PRRC1: variants seen among roughly 807,000 people sequenced by gnomAD.
The protein encoded by PRRC1 is proline rich coiled-coil 1, also known as protein PRRC1.
A neutral mutation model predicts 40.7 loss-of-function variants in PRRC1; 39 were observed. That is an observed-to-expected ratio of 0.96 (90% confidence interval 0.74 to 1.25). The LOEUF is 1.25. Among genes scored for constraint, PRRC1 ranks in the 50% most tolerant of loss-of-function variants. PRRC1 has a pLI of 0.00. For missense variants in PRRC1, 573 were observed against 548.3 expected, an observed-to-expected ratio of 1.05 and a Z score of -0.45; for synonymous variants, 175 against 193.3, an observed-to-expected ratio of 0.91 and a Z score of 0.79.
Position 127,553,486 on chromosome 5 carries a change from T to G in PRRC1, c.*1570T>G, listed in dbSNP as rs1429153043. The G allele has an allele frequency of 8.8e-7, 1 of 1,140,020 alleles. No individual in the cohort carries two copies. Among genetic ancestry groups the G allele is most frequent in the Middle Eastern group, 4.0e-4 (1 of 2,498 alleles). The allele number at this position is 1,140,020 out of a possible 1,614,324, so 70.6% of individuals were successfully genotyped here. On this transcript the variant is annotated 3_prime_UTR_variant, in exon 9 of 9. Transcript: ENST00000296666. The stretch of plus-strand genomic sequence containing the variant: ...GAGTAACAGGGACAGAATACTTTCT[T>G]TCTTTCCTTCAAGTACAAGAAGGCT...
chr5:127,539,042 T>C lies in PRRC1; in HGVS notation c.924T>C (p.Gly308=). The C allele has an allele frequency of 6.2e-7, 1 of 1,612,024 alleles. No individual in the cohort carries two copies. The highest frequency in any genetic ancestry group is 8.5e-7 in the Non-Finnish European group (1 of 1,178,378). ...TAACCTCTGCCATTGTTGTTTAGGG[T>C]GCTCAGGAACGGATAGATAGCTTGC... ...QPVGYAAGLK[G]AQERIDSLRR... is the part of the protein sequence containing the mutation. The change falls in exon 7 of 9, where the codon GGT becomes GGC. Residue 308 remains glycine (G), a splice_region_variant and synonymous_variant. Transcript: ENST00000296666.
In PRRC1 at chr5:127,524,811, T is replaced by C. The variant is rs1305992942; in HGVS notation, c.384T>C (p.Pro128=). ...NTLLPAPPSG[P]PISGFSVGST... is the part of the protein sequence containing the mutation. ...TTTTACCTGCACCCCCTTCGGGTCC[T>C]CCTATATCAGGATTTTCTGTTGGTT... Residue 128 remains proline (P), a synonymous_variant, in exon 3 of 9, where the codon CCT becomes CCC. Transcript: ENST00000296666. 6.2e-7 allele frequency: 1 copy of C among 1,614,198 alleles called. No individual in the cohort carries two copies. The highest frequency in any genetic ancestry group is 1.3e-5 in the African/African-American group (1 of 75,054).
chr5:127,520,740 C>T (rs1159254179), intron 1 of PRRC1, among the ~76,000 whole-genome samples: 1 of 151,928 alleles, frequency 6.6e-6, no homozygotes, highest in African/African-American at 2.4e-5. Flanking sequence ...GGTGGTTATA[C>T]GAGATTGTGC....
chr5:127,543,219 G>T (rs1187619338), intron 7 of PRRC1, among the ~76,000 whole-genome samples: 7 of 152,288 alleles, frequency 4.6e-5, no homozygotes, highest in Non-Finnish European at 1.0e-4. Context: ...CTTCTGGCTT[G>T]TAGAGTTTCT....
chr5:127,518,571 A>C (rs1320031264), intron 1 of PRRC1, among the ~76,000 whole-genome samples: 1 of 152,134 alleles, frequency 6.6e-6, no homozygotes, highest in Non-Finnish European at 1.5e-5. Flanking sequence ...AATTTATAAA[A>C]TTTTATTTCG....
In PRRC1 at chr5:127,551,871, G is replaced by A. The variant is rs150661573; in HGVS notation, c.1293G>A (p.Ala431=). 2.2e-5 allele frequency: 35 copies of A among 1,613,958 alleles called. No individual in the cohort carries two copies. The highest frequency in any genetic ancestry group is 4.0e-5 in the African/African-American group (3 of 74,900). The change falls in exon 9 of 9, where the codon GCG becomes GCA. Residue 431 remains alanine (A), a synonymous_variant. Coordinates refer to ENST00000296666, the MANE Select transcript of PRRC1 (RefSeq NM_130809.5). ...AGATGATCTACAGTGCAGCCAGAGC[G>A]ATAGCGGGCATGTATAAACAGCGCC... The part of the protein sequence containing the change: ...RRQMIYSAAR[A]IAGMYKQRLP...
chr5:127,530,178 A>T (rs1266584309), intron 4 of PRRC1, 116 bp from the exon 5 acceptor site: 1 of 714,760 alleles, frequency 1.4e-6, no homozygotes, highest in Non-Finnish European at 2.3e-6. Flanking sequence ...TATATCTTAC[A>T]AAAGTACTGG....
At chr5:127,538,305 T>C (rs552256955) in intron 6 of PRRC1, among the ~76,000 whole-genome samples, 1 of 152,210 alleles carries the variant, frequency 6.6e-6, no homozygotes, top group African/African-American at 2.4e-5. Flanking sequence ...GCTGTCCTTA[T>C]AAAAATTATC....
At chr5:127,519,847 AT>A (rs1440345580) in intron 1 of PRRC1, among the ~76,000 whole-genome samples, 2 of 152,162 alleles carry the variant, frequency 1.3e-5, no homozygotes, top group Admixed American at 1.3e-4. Context: ...AAGACTAAAC[AT>A]TTTATGATTT....
In PRRC1 at chr5:127,523,650, G is replaced by A. The variant is rs1430552142; in HGVS notation, c.103+68G>A. 1.6e-5 allele frequency: 15 copies of A among 923,252 alleles called. 1 individual carries two copies. The highest frequency in any genetic ancestry group is 2.3e-4 in the Middle Eastern group (1 of 4,424). 57.2% of individuals were successfully genotyped at this position (923,252 alleles called of 1,614,324 possible). ...GAAGATACTATCATCTTTTCTCAGA[G>A]TCAATTAAGAAAAGAATGCATATAT... On this transcript the variant is annotated intron_variant, in intron 2 of 8. Transcript: ENST00000296666.
intron 7 of PRRC1, among the ~76,000 whole-genome samples, chr5:127,542,955 GT>G (rs1207140253): frequency 6.6e-6 from 1 of 152,026 alleles, no homozygotes; most frequent in African/African-American, 2.4e-5. Flanking sequence ...AGTTGATGCA[GT>G]TTCTTCCTAG....
Position 127,523,598 on chromosome 5 carries a change from T to A in PRRC1, c.103+16T>A. ...GTTCCATTAGGTACATGTAGTTGTC[T>A]AACATCTCGTGTGTTTTGAGAATAG... On this transcript the variant is annotated intron_variant, in intron 2 of 8. Coordinates refer to ENST00000296666, the MANE Select transcript of PRRC1 (RefSeq NM_130809.5). The A allele has an allele frequency of 6.7e-7, 1 of 1,494,458 alleles. No homozygotes were observed. The highest frequency in any genetic ancestry group is 9.2e-7 in the Non-Finnish European group (1 of 1,089,820). 92.6% of individuals were successfully genotyped at this position (1,494,458 alleles called of 1,614,324 possible).
chr5:127,524,629 C>G lies in PRRC1; in HGVS notation c.202C>G (p.Pro68Ala), dbSNP rs201517303. ...TPQPPLPPVRPSAPLPFVPPP... is the reference protein window; with the variant it reads ...TPQPPLPPVRASAPLPFVPPP... Reference sequence around the variant, plus strand: ...TCAGCCGCCCCTTCCTCCTGTGAGGCCTTCAGCACCATTACCTTTTGTGCC... The same window carrying G: ...TCAGCCGCCCCTTCCTCCTGTGAGGGCTTCAGCACCATTACCTTTTGTGCC... The change falls in exon 3 of 9, where the codon CCT becomes GCT. Residue 68 changes from proline (P) to alanine (A), a missense_variant. By Grantham distance (27) the Pro-to-Ala change is conservative (BLOSUM62 -1). Transcript: ENST00000296666. 22 of 1,614,026 alleles carry G rather than the reference C, an allele frequency of 1.4e-5. No individual in the cohort carries two copies. The African/African-American group carries it at 2.9e-4, about 22-fold the overall frequency.
rs755223878 is a variant in PRRC1, at chr5:127,552,310, T to C, written c.*394T>C. Reference sequence around the variant, plus strand: ...TGGTTGAATGTTTATAAAAGCATGATTTGCTTTGGCTTCATCTCTTTTCTG... The same window carrying C: ...TGGTTGAATGTTTATAAAAGCATGACTTGCTTTGGCTTCATCTCTTTTCTG... On this transcript the variant is annotated 3_prime_UTR_variant, in exon 9 of 9. Transcript: ENST00000296666. 637 of 1,030,320 alleles carry C rather than the reference T, an allele frequency of 6.2e-4. 1 individual carries two copies. The highest frequency in any genetic ancestry group is 7.3e-4 in the Non-Finnish European group (625 of 856,190). The allele number at this position is 1,030,320 out of a possible 1,614,324, so 63.8% of individuals were successfully genotyped here. A position where few individuals can be genotyped will look rare whatever the true frequency, so the allele number is the denominator to read the frequency against.
At chr5:127,546,356 C>T (rs10491249) in intron 7 of PRRC1, among the ~76,000 whole-genome samples, 5,949 of 152,280 alleles carry the variant, frequency 0.039, 165 homozygotes, top group Middle Eastern at 0.13. Flanking sequence ...ACTTTTAAAT[C>T]CTCATCTACT....
At chr5:127,548,219 A>G (rs1768278518) in intron 8 of PRRC1, 1 of 523,040 alleles carries the variant, frequency 1.9e-6, no homozygotes, top group South Asian at 2.9e-5. Context: ...TACCTTTTCT[A>G]GTTGTTTTAT....
At chr5:127,519,103 G>A (rs771557761) in intron 1 of PRRC1, among the ~76,000 whole-genome samples, 7 of 152,154 alleles carry the variant, frequency 4.6e-5, no homozygotes, top group Non-Finnish European at 8.8e-5. Flanking sequence ...ATTTGTTAAT[G>A]TTAGGGATTC....
rs765423216 is a variant in PRRC1 at position 127,533,859 on chromosome 5, G to A, written c.921+73G>A. The A allele has an allele frequency of 4.7e-6, 7 of 1,498,432 alleles. No individual in the cohort carries two copies. In the African/African-American group the frequency reaches 9.6e-5, roughly 21 times the overall value. The allele number at this position is 1,498,432 out of a possible 1,614,324, so 92.8% of individuals were successfully genotyped here. A position where few individuals can be genotyped will look rare whatever the true frequency, so the allele number is the denominator to read the frequency against. On this transcript the variant is annotated intron_variant, in intron 6 of 8. Transcript: ENST00000296666. ...TTTTTCACAATTCTGATAATCTGTT[G>A]TCTCTATGGAGCTAATAGACTTTTA...
intron 8 of PRRC1, chr5:127,549,527 C>G (rs529219208): frequency 1.3e-5 from 2 of 152,268 alleles, no homozygotes; most frequent in Non-Finnish European, 2.9e-5. Flanking sequence ...TAGAAATAAT[C>G]ATACTAATAG....
Sources: gnomAD v4.1 joint callset for allele counts (sites outside exome capture counted in the v4.1 genomes callset) on GRCh38, gnomAD v4.1.1 for gene constraint, MANE v1.5 for transcripts, NCBI Gene and HGNC (gene_info 2026-07-23, HGNC 2026-07-21) for gene names.